LHFPL4: variants seen among roughly 807,000 people sequenced by gnomAD.
The protein encoded by LHFPL4 is LHFPL tetraspan subfamily member 4, also known as LHFPL tetraspan subfamily member 4 protein.
LHFPL4 carries 6 observed loss-of-function variants against 20.0 expected under a neutral mutation model. That is an observed-to-expected ratio of 0.30 (90% CI 0.16 to 0.59). The LOEUF is 0.59. Ranked by LOEUF, LHFPL4 falls within the 20% of genes least tolerant of loss-of-function variation. LHFPL4 has a pLI of 0.88. For synonymous variants in LHFPL4, 129 were observed against 143.8 expected, an observed-to-expected ratio of 0.90 and a Z score of 0.74; for missense variants, 215 against 331.2, an observed-to-expected ratio of 0.65 and a Z score of 2.72.
At chr3:9,522,812 TG>T (rs2046346990) in intron 2 of LHFPL4, among the ~76,000 whole-genome samples, 1 of 143,850 alleles carries the variant, frequency 7.0e-6, no homozygotes, top group African/African-American at 2.6e-5. Flanking sequence ...GAGGACAAGG[TG>T]GGTGGATCAC....
chr3:9,505,544 C>T (rs1331632767), intron 3 of LHFPL4, among the ~76,000 whole-genome samples: 1 of 152,136 alleles, frequency 6.6e-6, no homozygotes, highest in Non-Finnish European at 1.5e-5. Flanking sequence ...AGCTCCACCT[C>T]CCGGGTTCAT....
chr3:9,504,795 A>T (rs553901776), intron 3 of LHFPL4, among the ~76,000 whole-genome samples: 2 of 149,114 alleles, frequency 1.3e-5, no homozygotes, highest in Non-Finnish European at 3.0e-5. Flanking sequence ...ACTGCACTCC[A>T]GCCTGGGTGA....
intron 2 of LHFPL4, among the ~76,000 whole-genome samples, chr3:9,511,337 C>T (rs932208169): frequency 6.7e-6 from 1 of 149,722 alleles, no homozygotes; most frequent in African/African-American, 2.5e-5. Flanking sequence ...GGCGACAGAG[C>T]TAGACTCCAT....
intron 3 of LHFPL4, among the ~76,000 whole-genome samples, chr3:9,503,717 A>C (rs1244643641): frequency 1.3e-5 from 2 of 152,226 alleles, no homozygotes; most frequent in Non-Finnish European, 1.5e-5. Context: ...GTTTATATGC[A>C]ATACACTAAT....
intron 2 of LHFPL4, among the ~76,000 whole-genome samples, chr3:9,541,042 C>A (rs986091513): frequency 6.6e-6 from 1 of 151,874 alleles, no homozygotes; most frequent in East Asian, 1.9e-4. Flanking sequence ...TGGGTTCAAG[C>A]GATTCTCCTG....
rs1277495337 is a variant in LHFPL4, at chr3:9,502,174, G to A, written c.*37C>T. ...GAGAGGGCAGAAGGCAGGACAAGCT[G>A]AGGTCAGGCCAATTACTGGGCTGTG... is the stretch of plus-strand genomic sequence containing the variant. On this transcript the variant is annotated 3_prime_UTR_variant, in exon 4 of 4. Coordinates refer to ENST00000287585, the MANE Select transcript of LHFPL4 (RefSeq NM_198560.3). 3.4e-6 allele frequency: 5 copies of A among 1,456,552 alleles called. No individual in the cohort carries two copies. Among genetic ancestry groups the A allele is most frequent in the African/African-American group, 1.4e-5 (1 of 71,990 alleles). 90.2% of individuals were successfully genotyped at this position (1,456,552 alleles called of 1,614,324 possible).
At chr3:9,508,959 T>G (rs1157297644) in intron 2 of LHFPL4, among the ~76,000 whole-genome samples, 2 of 152,150 alleles carry the variant, frequency 1.3e-5, no homozygotes, top group Non-Finnish European at 2.9e-5. Flanking sequence ...TCTCTGGTCG[T>G]CCATTCCCGT....
In LHFPL4 at chr3:9,506,169, A is replaced by G. The variant is rs2046216500; in HGVS notation, c.441T>C (p.Pro147=). The change falls in exon 3 of 4, where the codon CCT becomes CCC. Residue 147 remains proline, a synonymous_variant. Coordinates refer to ENST00000287585, the MANE Select transcript of LHFPL4 (RefSeq NM_198560.3). This position sits in a 1 kb window ranked among gnomAD's most constrained non-coding sequence, Gnocchi z 4.5. ...GGATGGTCTCGGCATCCCAGCCATC[A>G]GGAAAGATCATGCAGCCCAGGACGA... is the stretch of plus-strand genomic sequence containing the variant. ...LCLVLGCMIF[P]DGWDAETIRD... 1.2e-6 allele frequency: 2 copies of G among 1,614,184 alleles called. No individual in the cohort carries two copies. Among genetic ancestry groups the G allele is most frequent in the Non-Finnish European group, 1.7e-6 (2 of 1,180,042 alleles).
At chr3:9,539,740 A>C (rs1346826278) in intron 2 of LHFPL4, among the ~76,000 whole-genome samples, 8 of 152,300 alleles carry the variant, frequency 5.3e-5, no homozygotes, top group Non-Finnish European at 5.9e-5. Flanking sequence ...CTTTCTTAGT[A>C]GATAAAGAGC....
intron 2 of LHFPL4, among the ~76,000 whole-genome samples, chr3:9,531,561 G>A (rs1186259202): frequency 2.0e-5 from 3 of 152,204 alleles, no homozygotes; most frequent in African/African-American, 7.2e-5. Context: ...CCCAGCATTT[G>A]GGAGGCCGAG....
intron 3 of LHFPL4, among the ~76,000 whole-genome samples, 197 bp downstream of exon 3, chr3:9,505,770 G>T (rs996603398): frequency 5.3e-5 from 8 of 151,476 alleles, no homozygotes; most frequent in African/African-American, 1.9e-4. Flanking sequence ...TGTTGACCAG[G>T]CTACTCTTGA....
intron 2 of LHFPL4, among the ~76,000 whole-genome samples, chr3:9,507,280 G>A (rs1429611235): frequency 1.3e-5 from 2 of 152,240 alleles, no homozygotes; most frequent in Non-Finnish European, 2.9e-5. Context: ...CATGGAGCTT[G>A]CAATGTAGTG....
At chr3:9,520,484 G>A (rs2046330820) in intron 2 of LHFPL4, among the ~76,000 whole-genome samples, 1 of 151,958 alleles carries the variant, frequency 6.6e-6, no homozygotes, top group Non-Finnish European at 1.5e-5. Flanking sequence ...CTCCCAAGTA[G>A]CTGGGATTAC....
At chr3:9,526,429 G>T (rs1321013249) in intron 2 of LHFPL4, among the ~76,000 whole-genome samples, 3 of 152,146 alleles carry the variant, frequency 2.0e-5, no homozygotes, top group African/African-American at 7.2e-5. Context: ...CGGGAAAAAA[G>T]AATGTCCCCG....
intron 2 of LHFPL4, among the ~76,000 whole-genome samples, chr3:9,519,614 A>G (rs2046325592): frequency 6.6e-6 from 1 of 151,992 alleles, no homozygotes; most frequent in Admixed American, 6.6e-5. Flanking sequence ...GTTGTAGTGC[A>G]GTGGCATGAT....
rs751743950 is a variant in LHFPL4 at position 9,502,165 on chromosome 3, G to A, written c.*46C>T. ...TGGAGTGACGAGAGGGCAGAAGGCA[G>A]GACAAGCTGAGGTCAGGCCAATTAC... On this transcript the variant is annotated 3_prime_UTR_variant, in exon 4 of 4. Coordinates refer to ENST00000287585, the MANE Select transcript of LHFPL4 (RefSeq NM_198560.3). 1 of 1,387,192 alleles carries A rather than the reference G, an allele frequency of 7.2e-7. No homozygotes were observed. Among genetic ancestry groups the A allele is most frequent in the Non-Finnish European group, 1.0e-6 (1 of 974,450 alleles). The allele number at this position is 1,387,192 out of a possible 1,614,324, so 85.9% of individuals were successfully genotyped here.
At position 9,540,392 on chromosome 3, in the gene LHFPL4, G is replaced by A. The variant is rs2046469860; in HGVS notation, c.406+11882C>T. ...AATTCTTTGATATTCCTCCCTTCAA[G>A]AGAAGGATCCTAATTCTCCTCTTCT... On this transcript the variant is annotated intron_variant, in intron 2 of 3. Transcript: ENST00000287585. 2.0e-5 allele frequency among the ~76,000 whole-genome samples: 3 copies of A among 152,276 alleles called. No individual in the cohort carries two copies. The South Asian group carries it at 6.2e-4, about 32-fold the overall frequency.
chr3:9,547,702 T>G (rs1011297676), intron 2 of LHFPL4, among the ~76,000 whole-genome samples: 1 of 152,218 alleles, frequency 6.6e-6, no homozygotes, highest in African/African-American at 2.4e-5. Flanking sequence ...TCTACTTAGT[T>G]AGCAGTTGAC....
At chr3:9,539,363 G>A (rs1476555293) in intron 2 of LHFPL4, among the ~76,000 whole-genome samples, 3 of 150,532 alleles carry the variant, frequency 2.0e-5, no homozygotes, top group Non-Finnish European at 2.9e-5. Flanking sequence ...GCTGAGGCAG[G>A]AGAATTGTTT....
Sources: gnomAD v4.1 joint callset for allele counts (sites outside exome capture counted in the v4.1 genomes callset) on GRCh38, gnomAD v4.1.1 for gene constraint, Gnocchi (gnomAD v3.1) non-coding constraint, MANE v1.5 for transcripts, NCBI Gene and HGNC (gene_info 2026-07-23, HGNC 2026-07-21) for gene names.